MARCHF10: variants seen among roughly 807,000 people sequenced by gnomAD.
MARCHF10 encodes the protein probable E3 ubiquitin-protein ligase MARCHF10.
In MARCHF10, 64 loss-of-function variants were observed where a neutral mutation model predicts 76.2. That is an observed-to-expected ratio of 0.84 (90% CI 0.69 to 1.03). The LOEUF (loss-of-function observed/expected upper bound fraction) is 1.03. MARCHF10 is among the 50% of genes least tolerant of loss of function. MARCHF10 has a pLI of 0.00. For missense variants in MARCHF10, 875 were observed against 958.0 expected (o/e 0.91, Z 1.14); for synonymous variants, 340 against 357.5 (o/e 0.95, Z 0.55).
At chr17:62,714,827 C>T (rs1216735865) in intron 8 of MARCHF10, among the ~76,000 whole-genome samples, 3 of 151,468 alleles carry the variant, frequency 2.0e-5, no homozygotes, top group African/African-American at 2.4e-5. Context: ...CTCACTGCAA[C>T]CTCCGCCTCC....
chr17:62,793,486 T>TCCA (rs2092918702), intron 2 of MARCHF10, among the ~76,000 whole-genome samples: 1 of 47,840 alleles, frequency 2.1e-5, no homozygotes, highest in Non-Finnish European at 4.1e-5. Flanking sequence ...CACCACCACC[T>TCCA]CCATCACCAC....
At chr17:62,803,994 G>A (rs1189949689) in intron 1 of MARCHF10, among the ~76,000 whole-genome samples, 2 of 152,216 alleles carry the variant, frequency 1.3e-5, no homozygotes, top group African/African-American at 4.8e-5. Context: ...CGGAGCTAGT[G>A]AGGGGAAGAG....
intron 3 of MARCHF10, among the ~76,000 whole-genome samples, chr17:62,764,599 T>C (rs1477957140): frequency 8.6e-6 from 1 of 116,580 alleles, no homozygotes; most frequent in Non-Finnish European, 2.0e-5. Flanking sequence ...CAAGGGACTG[T>C]GTGTGCCACC....
rs748506169 is a variant in MARCHF10, at chr17:62,737,053, C to T, written c.815G>A (p.Arg272Gln). Reference sequence around the variant, plus strand: ...CAAAATGGAATAAAAGTCTTCATCTCGGAACCTAAATGATGCCTTTCTTGG... The same window carrying T: ...CAAAATGGAATAAAAGTCTTCATCTTGGAACCTAAATGATGCCTTTCTTGG... ...GGPRKASFRFRDEDFYSILSL... is the reference protein window; with the variant it reads ...GGPRKASFRFQDEDFYSILSL... The change falls in exon 6 of 11, where the codon CGA (arginine) becomes CAA (glutamine). Residue 272 changes from arginine to glutamine, a missense_variant. Transcript: ENST00000311269. 6 of 1,614,042 alleles carry T rather than the reference C, an allele frequency of 3.7e-6. No individual in the cohort carries two copies. The highest frequency in any genetic ancestry group is 5.1e-6 in the Non-Finnish European group (6 of 1,180,002).
At chr17:62,727,869 G>A (rs1455719440) in intron 6 of MARCHF10, among the ~76,000 whole-genome samples, 2 of 152,190 alleles carry the variant, frequency 1.3e-5, no homozygotes, top group Admixed American at 1.3e-4. Context: ...ACCAATGCAG[G>A]GGATGGGGCA....
intron 1 of MARCHF10, among the ~76,000 whole-genome samples, chr17:62,804,275 C>T (rs1015973948): frequency 6.6e-6 from 1 of 152,280 alleles, no homozygotes; most frequent in Non-Finnish European, 1.5e-5. Context: ...AGTGTGCTGT[C>T]AGACGCAGGG....
rs1160266674 is a variant in MARCHF10, at chr17:62,701,835, G to A, written c.2372-77C>T. On this transcript the variant is annotated intron_variant, in intron 10 of 10. Coordinates refer to ENST00000311269, the MANE Select transcript of MARCHF10 (RefSeq NM_152598.4). ...CTGTTACAGGGGGCACGGCACTGCT[G>A]CTTCATCTTCTCCCACCCCATCCCT... is the stretch of plus-strand genomic sequence containing the variant. The A allele has an allele frequency of 3.8e-6, 6 of 1,581,872 alleles. No individual in the cohort carries two copies. The African/African-American group carries it at 5.4e-5, about 14-fold the overall frequency.
At chr17:62,794,091 C>G (rs922067739) in intron 2 of MARCHF10, among the ~76,000 whole-genome samples, 4 of 150,672 alleles carry the variant, frequency 2.7e-5, no homozygotes, top group Admixed American at 6.6e-5. Flanking sequence ...CCACAACCAT[C>G]GCCACCACCC....
At chr17:62,770,787 C>T (rs910583675) in intron 3 of MARCHF10, among the ~76,000 whole-genome samples, 25 of 151,680 alleles carry the variant, frequency 1.6e-4, no homozygotes, top group African/African-American at 2.7e-4. Flanking sequence ...GTGATTCACC[C>T]GCCTTGGCCT....
chr17:62,794,504 T>C (rs951084097), intron 2 of MARCHF10, among the ~76,000 whole-genome samples: 1 of 152,232 alleles, frequency 6.6e-6, no homozygotes, highest in East Asian at 1.9e-4. Context: ...CTGTTTCCTA[T>C]ACCCCAGCCA....
intron 9 of MARCHF10, among the ~76,000 whole-genome samples, chr17:62,706,669 G>A (rs1010027435): frequency 9.9e-5 from 15 of 152,080 alleles, no homozygotes; most frequent in Non-Finnish European, 5.9e-5. Flanking sequence ...CTGCCCCTCC[G>A]GCCAGCCCCG....
At chr17:62,791,987 G>C (rs563689469) in intron 2 of MARCHF10, among the ~76,000 whole-genome samples, 1 of 152,002 alleles carries the variant, frequency 6.6e-6, no homozygotes, top group Non-Finnish European at 1.5e-5. Context: ...GTCAGGATTC[G>C]GATGGCTATA....
chr17:62,801,836 T>G (rs775538211), intron 1 of MARCHF10, 84 bp from the exon 2 acceptor site: 4 of 996,464 alleles, frequency 4.0e-6, no homozygotes, highest in Non-Finnish European at 6.4e-6. Context: ...TCTAATTGCT[T>G]TTATTTGTGT....
intron 3 of MARCHF10, among the ~76,000 whole-genome samples, chr17:62,763,141 C>A (rs963341644): frequency 6.6e-6 from 1 of 152,130 alleles, no homozygotes; most frequent in African/African-American, 2.4e-5. Context: ...TACATGTAAC[C>A]CAGCAAGCGC....
intron 1 of MARCHF10, among the ~76,000 whole-genome samples, chr17:62,802,069 G>A (rs540845660): frequency 3.3e-5 from 5 of 152,250 alleles, no homozygotes; most frequent in African/African-American, 1.2e-4. Flanking sequence ...AAACCTGAGA[G>A]CCTAGCTAAA....
At chr17:62,797,138 G>T (rs527715424) in intron 2 of MARCHF10, among the ~76,000 whole-genome samples, 21 of 152,310 alleles carry the variant, frequency 1.4e-4, no homozygotes, top group Admixed American at 1.2e-3. Flanking sequence ...GATAGTTATG[G>T]CTGCAAACTT....
chr17:62,710,982 TATGACCATTG>T (rs1428803486), intron 9 of MARCHF10, among the ~76,000 whole-genome samples: 5 of 152,210 alleles, frequency 3.3e-5, no homozygotes, highest in African/African-American at 1.2e-4. Context: ...CATTCGGTTA[TATGACCATTG>T]ATGACCATTT....
rs1157451581 is a variant in MARCHF10, at chr17:62,717,430, A to G, written c.2214+5058T>C. Among the ~76,000 whole-genome samples, 5 of 152,236 alleles carry G rather than the reference A, an allele frequency of 3.3e-5. No individual in the cohort carries two copies. In the East Asian group the frequency reaches 9.6e-4, roughly 29 times the overall value. On this transcript the variant is annotated intron_variant, in intron 8 of 10. Transcript: ENST00000311269. Reference sequence around the variant, plus strand: ...ATCATTCCTGCTTCCACGTGGAGCAATGACTGTGCTGGATGCTTTCTGTCT... The same window carrying G: ...ATCATTCCTGCTTCCACGTGGAGCAGTGACTGTGCTGGATGCTTTCTGTCT...
At chr17:62,801,042 G>A (rs1323845441) in intron 2 of MARCHF10, among the ~76,000 whole-genome samples, 1 of 152,154 alleles carries the variant, frequency 6.6e-6, no homozygotes, top group Non-Finnish European at 1.5e-5. Context: ...TAATGCCACT[G>A]GTGGACAAGG....
Sources: gnomAD v4.1 joint callset for allele counts (sites outside exome capture counted in the v4.1 genomes callset) on GRCh38, gnomAD v4.1.1 for gene constraint, MANE v1.5 for transcripts, NCBI Gene and HGNC (gene_info 2026-07-23, HGNC 2026-07-21) for gene names.